Variants in OPCML observed in about 807,000 individuals in gnomAD.
OPCML encodes the protein opioid binding protein/cell adhesion molecule like.
OPCML carries 13 observed loss-of-function variants against 37.8 expected under a neutral mutation model. That is an observed-to-expected ratio of 0.34 (90% CI 0.22 to 0.55). The LOEUF is 0.55. Ranked by LOEUF, OPCML falls within the 20% of genes least tolerant of loss-of-function variation. The probability of loss-of-function intolerance (pLI) is 0.91; values close to 1 mark genes in which losing one functional copy is unlikely to be tolerated. For missense variants in OPCML, 341 were observed against 435.6 expected, an observed-to-expected ratio of 0.78 and a Z score of 1.93; for synonymous variants, 176 against 168.8, an observed-to-expected ratio of 1.04 and a Z score of -0.33.
chr11:132,823,932 A>T (rs1028993854), intron 2 of OPCML, among the ~76,000 whole-genome samples: 1 of 152,080 alleles, frequency 6.6e-6, no homozygotes, highest in Non-Finnish European at 1.5e-5. Context: ...TCTGCCTGCT[A>T]CCTCACCGGT....
In OPCML at chr11:133,470,180, C is replaced by A. The variant is rs191186046; in HGVS notation, c.61+62084G>T. On this transcript the variant is annotated intron_variant, in intron 1 of 7. Transcript: ENST00000524381. The stretch of plus-strand genomic sequence containing the variant: ...GATCTGGACTGAAGCTAATGGAACT[C>A]CACGAAACTAGAGATTATTATTTTT... Among the ~76,000 whole-genome samples the A allele has an allele frequency of 3.3e-5, 5 of 152,200 alleles. No homozygotes were observed. The East Asian group carries it at 9.7e-4, about 29-fold the overall frequency.
At chr11:132,928,502 A>G (rs191497293) in intron 2 of OPCML, among the ~76,000 whole-genome samples, 1 of 152,178 alleles carries the variant, frequency 6.6e-6, no homozygotes, top group Admixed American at 6.5e-5. Flanking sequence ...TGAATAGAGA[A>G]ATTGCTCTAC....
intron 3 of OPCML, among the ~76,000 whole-genome samples, chr11:132,632,394 CTG>C (rs1456858053): frequency 2.0e-5 from 3 of 152,180 alleles, no homozygotes; most frequent in Admixed American, 1.3e-4. Context: ...CTTCACAACT[CTG>C]TGACACGAGA....
At chr11:133,330,367 C>T (rs1485590595) in intron 1 of OPCML, among the ~76,000 whole-genome samples, 1 of 152,146 alleles carries the variant, frequency 6.6e-6, no homozygotes, top group Non-Finnish European at 1.5e-5. Context: ...AATCATGCTG[C>T]TATAAAGACA....
At chr11:133,067,795 C>T (rs990142692) in intron 1 of OPCML, 3 of 152,198 alleles carry the variant, frequency 2.0e-5, no homozygotes, top group African/African-American at 7.2e-5. Context: ...CCTGACATGG[C>T]TCATGCCCAG....
chr11:133,359,288 G>GCT (rs1376609735), intron 1 of OPCML, among the ~76,000 whole-genome samples: 1 of 152,134 alleles, frequency 6.6e-6, no homozygotes, highest in Admixed American at 6.6e-5. Flanking sequence ...TATGTCTGTG[G>GCT]CTGCTGAGCT....
chr11:133,222,939 G>T (rs1184021408), intron 1 of OPCML, among the ~76,000 whole-genome samples: 1 of 152,134 alleles, frequency 6.6e-6, no homozygotes, highest in African/African-American at 2.4e-5. Flanking sequence ...GCCCTCCCCA[G>T]GTCCCAGCCT....
intron 1 of OPCML, among the ~76,000 whole-genome samples, chr11:133,214,428 T>C (rs1271676011): frequency 2.0e-5 from 3 of 152,334 alleles, no homozygotes; most frequent in East Asian, 1.9e-4. Flanking sequence ...TAGGGACAGT[T>C]AAATCTGCCT....
At position 132,416,792 on chromosome 11, in the gene OPCML, C is replaced by G. The variant is rs535050535; in HGVS notation, c.*3401G>C. ...CCTGTACATGTTTTCACAACCACTT[C>G]TCTACATCTCCCCCTCCCTGAATTA... is the stretch of plus-strand genomic sequence containing the variant. On this transcript the variant is annotated 3_prime_UTR_variant, in exon 8 of 8. Transcript: ENST00000524381. 6.5e-6 allele frequency: 1 copy of G among 152,756 alleles called. No homozygotes were observed. The highest frequency in any genetic ancestry group is 2.1e-4 in the South Asian group (1 of 4,830). The allele number at this position is 152,756 out of a possible 1,614,324, so 9.5% of individuals were successfully genotyped here.
intron 1 of OPCML, among the ~76,000 whole-genome samples, chr11:133,129,986 AAAGC>A (rs1949578846): frequency 6.6e-6 from 1 of 152,200 alleles, no homozygotes. Flanking sequence ...TCAATTAAAA[AAAGC>A]AAGAATTGAC....
chr11:132,455,761 A>ATTC lies in OPCML; in HGVS notation c.506-18403_506-18402insGAA, dbSNP rs2096080665. On this transcript the variant is annotated intron_variant, in intron 4 of 7. Coordinates refer to ENST00000524381, the MANE Select transcript of OPCML (RefSeq NM_001012393.5). Reference sequence around the variant, plus strand: ...TTGTCTGTCAAAAACCTTCTTTGTCAAATTCATTCATTCATTCATTCATTC... The same window carrying ATTC: ...TTGTCTGTCAAAAACCTTCTTTGTCATTCAATTCATTCATTCATTCATTCATTC... 3.6e-5 allele frequency among the ~76,000 whole-genome samples: 4 copies of ATTC among 110,468 alleles called. No individual in the cohort carries two copies. The Admixed American group carries it at 4.3e-4, about 12-fold the overall frequency. 72.5% of individuals were successfully genotyped at this position (110,468 alleles called of 152,430 possible).
At chr11:133,169,062 G>A (rs1437530156) in intron 1 of OPCML, among the ~76,000 whole-genome samples, 3 of 152,166 alleles carry the variant, frequency 2.0e-5, no homozygotes, top group Non-Finnish European at 2.9e-5. Context: ...CCTGGGAGAC[G>A]GAGGTTGCAT....
intron 4 of OPCML, among the ~76,000 whole-genome samples, chr11:132,442,965 C>T (rs2096041522): frequency 6.6e-6 from 1 of 152,098 alleles, no homozygotes; most frequent in Admixed American, 6.5e-5. Flanking sequence ...TCACAGTATG[C>T]AAAAACAAAA....
chr11:133,072,333 A>G (rs1402038512), intron 1 of OPCML, among the ~76,000 whole-genome samples: 1 of 152,216 alleles, frequency 6.6e-6, no homozygotes. Flanking sequence ...CTATTAAAGA[A>G]CTTTGCATTT....
intron 2 of OPCML, among the ~76,000 whole-genome samples, chr11:132,704,672 G>A (rs777436824): frequency 6.6e-6 from 1 of 152,182 alleles, no homozygotes; most frequent in Non-Finnish European, 1.5e-5. Flanking sequence ...AAAGTGAAAT[G>A]TAGAATAAGT....
At chr11:133,001,794 G>A (rs112720468) in intron 1 of OPCML, among the ~76,000 whole-genome samples, 3,691 of 152,288 alleles carry the variant, frequency 0.024, 47 homozygotes, top group Middle Eastern at 0.065. Flanking sequence ...TTCTCTCAGC[G>A]GAACTCTAGG....
chr11:133,129,550 G>C (rs1237723026), intron 1 of OPCML, among the ~76,000 whole-genome samples: 1 of 152,118 alleles, frequency 6.6e-6, no homozygotes, highest in Non-Finnish European at 1.5e-5. Context: ...GAAATATCTT[G>C]TGCACAACAA....
chr11:133,016,885 T>C (rs1204443848), intron 1 of OPCML, among the ~76,000 whole-genome samples: 2 of 152,204 alleles, frequency 1.3e-5, no homozygotes, highest in Non-Finnish European at 2.9e-5. Context: ...CAAGGAGGTA[T>C]TGGAAAAATG....
intron 4 of OPCML, among the ~76,000 whole-genome samples, chr11:132,506,445 A>T (rs2096256943): frequency 6.6e-6 from 1 of 152,228 alleles, no homozygotes; most frequent in South Asian, 2.1e-4. Context: ...CTACAAAGGA[A>T]TCATAATACG....
Sources: allele counts gnomAD v4.1 joint callset (sites outside exome capture counted in the v4.1 genomes callset), GRCh38; gene constraint gnomAD v4.1.1; transcripts MANE v1.5; gene names NCBI Gene and HGNC (gene_info 2026-07-23, HGNC 2026-07-21).